Variants in CACNA2D2 observed in about 807,000 individuals in gnomAD.
The protein encoded by CACNA2D2 is voltage-dependent calcium channel subunit alpha-2/delta-2.
In CACNA2D2, 48 loss-of-function variants were observed where a neutral mutation model predicts 166.4. The observed-to-expected ratio is 0.29, with a 90% CI of 0.23 to 0.37. CACNA2D2 has a LOEUF of 0.37. Among genes scored for constraint, CACNA2D2 ranks in the 10% least tolerant of loss-of-function variants. The probability of loss-of-function intolerance (pLI) is 1.00; values close to 1 mark genes in which losing one functional copy is unlikely to be tolerated. For missense variants in CACNA2D2, 1,122 were observed against 1,433.0 expected (o/e 0.78, Z 3.50); for synonymous variants, 561 against 573.7 (o/e 0.98, Z 0.32).
Position 50,367,251 on chromosome 3 carries a change from C to T in CACNA2D2, c.2402-142G>A. On this transcript the variant is annotated intron_variant, in intron 27 of 37. Transcript: ENST00000424201. The surrounding 1 kb of genome is among the most constrained non-coding windows in gnomAD (Gnocchi z 6.5). ...CACTCAGGACAGTGTTTGGCACAGT[C>T]TATCCCTCTTTTCACGTCTGCCCTG... The T allele has an allele frequency of 1.0e-6, 1 of 991,962 alleles. No homozygotes were observed. Among genetic ancestry groups the T allele is most frequent in the Non-Finnish European group, 1.6e-6 (1 of 642,278 alleles). The allele number at this position is 991,962 out of a possible 1,614,324, so 61.4% of individuals were successfully genotyped here.
chr3:50,485,357 AG>A (rs1249659754), intron 1 of CACNA2D2, among the ~76,000 whole-genome samples: 1 of 152,204 alleles, frequency 6.6e-6, no homozygotes, highest in Non-Finnish European at 1.5e-5. Context: ...GACAAAACTG[AG>A]CCACCCTAGT....
At position 50,375,610 on chromosome 3, in the gene CACNA2D2, C is replaced by T. The variant is rs1272791071; in HGVS notation, c.1907+34G>A. On this transcript the variant is annotated intron_variant, in intron 21 of 37. Transcript: ENST00000424201. The surrounding 1 kb of genome is among the most constrained non-coding windows in gnomAD (Gnocchi z 4.0). ...GGGCTCAGATTCTGGGGCCACCCCACCCTCTCTGCCCGCCCAGCCCTGGCC... is the reference window on the plus strand; with the variant it reads ...GGGCTCAGATTCTGGGGCCACCCCATCCTCTCTGCCCGCCCAGCCCTGGCC... The T allele has an allele frequency of 6.2e-7, 1 of 1,605,992 alleles. No individual in the cohort carries two copies. The highest frequency in any genetic ancestry group is 8.5e-7 in the Non-Finnish European group (1 of 1,175,114).
rs779724063 is a variant in CACNA2D2 at position 50,379,249 on chromosome 3, G to A, written c.1153-50C>T. The A allele has an allele frequency of 6.5e-7, 1 of 1,533,828 alleles. No homozygotes were observed. The highest frequency in any genetic ancestry group is 1.1e-5 in the South Asian group (1 of 89,006). ...GCAGCTCTCAGCCCTCCCTGGTCCA[G>A]GGGCAGGGCCTCCCTCCCGCAGTGG... On this transcript the variant is annotated intron_variant, in intron 11 of 37. Coordinates refer to ENST00000424201, the MANE Select transcript of CACNA2D2 (RefSeq NM_006030.4). The surrounding 1 kb of genome is among the most constrained non-coding windows in gnomAD (Gnocchi z 6.5).
chr3:50,436,647 A>T (rs1196135578), intron 2 of CACNA2D2, among the ~76,000 whole-genome samples: 1 of 152,256 alleles, frequency 6.6e-6, no homozygotes, highest in East Asian at 1.9e-4. Context: ...GGCTGGGGAC[A>T]GCAAACCCAT....
At chr3:50,481,906 G>C (rs1185387257) in intron 1 of CACNA2D2, among the ~76,000 whole-genome samples, 1 of 152,190 alleles carries the variant, frequency 6.6e-6, no homozygotes, top group Non-Finnish European at 1.5e-5. Flanking sequence ...TGAGGTTGGA[G>C]GATCGCTGAG....
intron 1 of CACNA2D2, among the ~76,000 whole-genome samples, chr3:50,493,974 T>C (rs972298409): frequency 6.6e-6 from 1 of 152,220 alleles, no homozygotes; most frequent in Non-Finnish European, 1.5e-5. Flanking sequence ...GGCCGGAGGC[T>C]GGAGTCAGCC....
intron 2 of CACNA2D2, among the ~76,000 whole-genome samples, chr3:50,467,479 T>G (rs973659290): frequency 6.6e-6 from 1 of 152,124 alleles, no homozygotes; most frequent in African/African-American, 2.4e-5. Context: ...TGCTTCTCCA[T>G]CTACTGAATA....
chr3:50,448,855 G>A (rs1708980025), intron 2 of CACNA2D2, among the ~76,000 whole-genome samples: 1 of 152,114 alleles, frequency 6.6e-6, no homozygotes, highest in Non-Finnish European at 1.5e-5. Flanking sequence ...TACCCCCACA[G>A]ACCCTGAGAA....
At chr3:50,377,602 A>C in intron 16 of CACNA2D2, 61 bp from the exon 17 acceptor site, 6 of 1,578,906 alleles carry the variant, frequency 3.8e-6, no homozygotes, top group Non-Finnish European at 5.2e-6. Context: ...ACCACCCTCC[A>C]CAAGGCCTCA....
chr3:50,380,768 G>T lies in CACNA2D2; in HGVS notation c.822C>A (p.Tyr274Ter). 1 of 1,549,788 alleles carries T rather than the reference G, an allele frequency of 6.5e-7. No homozygotes were observed. The change falls in exon 8 of 38, where the codon TAC (tyrosine) becomes TAA (stop). Residue 274 changes from tyrosine to a stop codon, truncating the protein, a stop_gained. Coordinates refer to ENST00000424201, the MANE Select transcript of CACNA2D2 (RefSeq NM_006030.4). LOFTEE classifies it high-confidence loss of function. The surrounding 1 kb of genome is among the most constrained non-coding windows in gnomAD (Gnocchi z 4.9). ...PWRAPKKIDL[Y>*]DVRRRPWYIQ... ...CTCACCAGGGTCTCCTTCGGACATC[G>T]TACAGGTCGATCTTCTTGGGGGCTC... is the stretch of plus-strand genomic sequence containing the variant.
intron 2 of CACNA2D2, among the ~76,000 whole-genome samples, chr3:50,434,958 T>G (rs966124278): frequency 6.6e-6 from 1 of 152,236 alleles, no homozygotes; most frequent in Non-Finnish European, 1.5e-5. Flanking sequence ...CCAGGGCACT[T>G]GCAGGAACTA....
intron 3 of CACNA2D2, among the ~76,000 whole-genome samples, chr3:50,394,875 A>G (rs1222161723): frequency 1.3e-5 from 2 of 152,232 alleles, no homozygotes; most frequent in Non-Finnish European, 2.9e-5. Context: ...TGCAGCTCAC[A>G]GGCACAACCT....
Position 50,378,063 on chromosome 3 carries a change from A to G in CACNA2D2, c.1424T>C (p.Leu475Pro). 6.2e-7 allele frequency: 1 copy of G among 1,613,644 alleles called. No individual in the cohort carries two copies. The highest frequency in any genetic ancestry group is 8.5e-7 in the Non-Finnish European group (1 of 1,180,016). Residue 475 changes from leucine to proline, a missense_variant, in exon 15 of 38, where the codon CTG becomes CCG. Transcript: ENST00000424201. ...CACCTGCTTGGCCTCCTTGCCTGCC[A>G]GCACCATGGGCCTGCCCAACACATC... ...YLDVLGRPMV[L>P]AGKEAKQVQW...
chr3:50,450,937 C>T (rs948661810), intron 2 of CACNA2D2, among the ~76,000 whole-genome samples: 2 of 152,156 alleles, frequency 1.3e-5, no homozygotes, highest in East Asian at 1.9e-4. Flanking sequence ...GCTGTCTCCC[C>T]GCCTACATGG....
In CACNA2D2 at chr3:50,427,509, C is replaced by T. The variant is rs532869394; in HGVS notation, c.405+6804G>A. On this transcript the variant is annotated intron_variant, in intron 3 of 37. Transcript: ENST00000424201. The surrounding 1 kb of genome is among the most constrained non-coding windows in gnomAD (Gnocchi z 4.7). ...GCGCCTAATTGGCTCCACGTGTCTG[C>T]GGCTCCTTTCCAGAGCAGGAGAGTG... Among the ~76,000 whole-genome samples the T allele has an allele frequency of 9.2e-5, 14 of 152,332 alleles. No individual in the cohort carries two copies. Among genetic ancestry groups the T allele is most frequent in the African/African-American group, 2.6e-4 (11 of 41,588 alleles).
Position 50,364,986 on chromosome 3 carries a change from G to A in CACNA2D2, c.3209-16C>T, listed in dbSNP as rs1368208674. ...GGGCCGTCCGCTGGGCATGGGTGGG[G>A]AGTCAAGGAGGCGGACGGCGGCGGC... On this transcript the variant is annotated splice_polypyrimidine_tract_variant and intron_variant, in intron 36 of 37. Coordinates refer to ENST00000424201, the MANE Select transcript of CACNA2D2 (RefSeq NM_006030.4). 3 of 1,611,652 alleles carry A rather than the reference G, an allele frequency of 1.9e-6. No homozygotes were observed. Among genetic ancestry groups the A allele is most frequent in the Non-Finnish European group, 8.5e-7 (1 of 1,179,364 alleles).
At chr3:50,438,868 A>G (rs764372779) in intron 2 of CACNA2D2, among the ~76,000 whole-genome samples, 15 of 152,212 alleles carry the variant, frequency 9.9e-5, no homozygotes, top group African/African-American at 1.4e-4. Flanking sequence ...GCAAGGAGGA[A>G]GGGCCAAGGA....
At chr3:50,501,681 A>C (rs899615929) in intron 1 of CACNA2D2, among the ~76,000 whole-genome samples, 1 of 152,220 alleles carries the variant, frequency 6.6e-6, no homozygotes, top group African/African-American at 2.4e-5. Context: ...CCTTCACTCA[A>C]GGAGCTATGA....
intron 22 of CACNA2D2, 73 bp from the exon 23 acceptor site, chr3:50,370,453 GCTGGAAGGACAGGGGAGAGGGGGGCT>G: frequency 1.8e-6 from 1 of 559,210 alleles, no homozygotes; most frequent in Non-Finnish European, 3.4e-6. Context: ...AGCTGACGGG[GCTGGAAGGACAGGGGAGAGGGGGGCT>G]GGAGGGAGGG....
Sources: gnomAD v4.1 joint callset for allele counts (sites outside exome capture counted in the v4.1 genomes callset) on GRCh38, gnomAD v4.1.1 for gene constraint, Gnocchi (gnomAD v3.1) non-coding constraint, MANE v1.5 for transcripts, NCBI Gene and HGNC (gene_info 2026-07-23, HGNC 2026-07-21) for gene names.